CADM2: variants seen among roughly 807,000 people sequenced by gnomAD.
CADM2 encodes the protein immunoglobulin superfamily member 4D.
A neutral mutation model predicts 49.8 loss-of-function variants in CADM2; 12 were observed. The ratio of observed to expected loss-of-function variants is 0.24; its 90% CI spans 0.15 to 0.39. CADM2 has a LOEUF of 0.39. CADM2 is among the 10% of genes least tolerant of loss of function. The pLI is 1.00. For missense variants in CADM2, 378 were observed against 492.3 expected, an observed-to-expected ratio of 0.77 and a Z score of 2.20; for synonymous variants, 214 against 175.4, an observed-to-expected ratio of 1.22 and a Z score of -1.74.
At chr3:85,427,517 T>C (rs918608040) in intron 1 of CADM2, among the ~76,000 whole-genome samples, 6 of 152,026 alleles carry the variant, frequency 3.9e-5, no homozygotes, top group Admixed American at 6.6e-5. Context: ...TAGATAATAA[T>C]ACCCTTTATA....
At chr3:85,446,991 C>CAT (rs141177883) in intron 1 of CADM2, among the ~76,000 whole-genome samples, 8,946 of 54,136 alleles carry the variant, frequency 0.17, 1,153 homozygotes, top group South Asian at 0.19. Flanking sequence ...ATATGTATTG[C>CAT]ATATATATAT....
chr3:86,045,282 A>C (rs972085852), intron 8 of CADM2, among the ~76,000 whole-genome samples: 3 of 152,106 alleles, frequency 2.0e-5, no homozygotes, highest in Admixed American at 2.0e-4. Context: ...ACTGTCATTG[A>C]GCTTCTGTGC....
intron 1 of CADM2, among the ~76,000 whole-genome samples, chr3:85,465,327 A>G (rs2038444143): frequency 6.6e-6 from 1 of 152,176 alleles, no homozygotes; most frequent in Non-Finnish European, 1.5e-5. Flanking sequence ...TTGAGATATA[A>G]TCATCTTTAG....
chr3:85,336,956 A>G (rs987438222), intron 1 of CADM2, among the ~76,000 whole-genome samples: 14 of 16,404 alleles, frequency 8.5e-4, no homozygotes, highest in African/African-American at 9.7e-4. Context: ...TATATATTTA[A>G]TATATATATT....
At chr3:85,714,241 T>C (rs1559608967) in intron 1 of CADM2, among the ~76,000 whole-genome samples, 1 of 152,158 alleles carries the variant, frequency 6.6e-6, no homozygotes, top group African/African-American at 2.4e-5. Context: ...TATCTAGTAA[T>C]AAAGAGTTAG....
chr3:85,219,426 G>C (rs1052301035), intron 1 of CADM2, among the ~76,000 whole-genome samples: 3 of 152,236 alleles, frequency 2.0e-5, no homozygotes, highest in Non-Finnish European at 4.4e-5. Context: ...AACTGCACTT[G>C]CTAAGTCACA....
chr3:85,580,376 T>A (rs1375923434), intron 1 of CADM2, among the ~76,000 whole-genome samples: 2 of 152,136 alleles, frequency 1.3e-5, no homozygotes, highest in East Asian at 3.9e-4. Flanking sequence ...CATCTTAGTT[T>A]GTGAGAAACT....
chr3:85,404,576 A>G (rs770072744), intron 1 of CADM2, among the ~76,000 whole-genome samples: 250 of 151,992 alleles, frequency 1.6e-3, no homozygotes, highest in Non-Finnish European at 2.8e-3. Context: ...TAATTTCAGG[A>G]AAAATAATCA....
At chr3:85,694,739 G>A (rs1483466256) in intron 1 of CADM2, among the ~76,000 whole-genome samples, 1 of 152,078 alleles carries the variant, frequency 6.6e-6, no homozygotes, top group Non-Finnish European at 1.5e-5. Flanking sequence ...GGCGTGGATT[G>A]TGTCTTCACT....
At chr3:85,494,096 G>A (rs1475182514) in intron 1 of CADM2, among the ~76,000 whole-genome samples, 5 of 152,054 alleles carry the variant, frequency 3.3e-5, no homozygotes, top group African/African-American at 2.4e-5. Flanking sequence ...TAAACTTTTC[G>A]GATAGGGGAA....
chr3:85,324,014 T>C (rs2044684718), intron 1 of CADM2, among the ~76,000 whole-genome samples: 1 of 152,208 alleles, frequency 6.6e-6, no homozygotes, highest in Admixed American at 6.5e-5. Context: ...GCTATAATAC[T>C]GGCTGTACTG....
chr3:85,544,808 T>C (rs2061627986), intron 1 of CADM2, among the ~76,000 whole-genome samples: 2 of 142,948 alleles, frequency 1.4e-5, no homozygotes, highest in South Asian at 4.5e-4. Flanking sequence ...GTTGATAATA[T>C]GCTACATGTG....
At chr3:85,241,493 C>G (rs1472107808) in intron 1 of CADM2, among the ~76,000 whole-genome samples, 1 of 150,812 alleles carries the variant, frequency 6.6e-6, no homozygotes, top group East Asian at 1.9e-4. Context: ...TCTAAATGTC[C>G]CTGGCTTGTG....
intron 2 of CADM2, among the ~76,000 whole-genome samples, chr3:85,729,634 G>A (rs2067849796): frequency 6.6e-6 from 1 of 152,126 alleles, no homozygotes; most frequent in African/African-American, 2.4e-5. Context: ...AAGGAAGGAG[G>A]ACTCTATGAA....
intron 8 of CADM2, among the ~76,000 whole-genome samples, chr3:85,973,673 TTGAAAATGTTA>T (rs1726434692): frequency 6.6e-6 from 1 of 151,756 alleles, no homozygotes; most frequent in African/African-American, 2.4e-5. Context: ...TAGAGCAAAT[TTGAAAATGTTA>T]TTATAACATC....
chr3:85,334,319 T>C (rs2045018060), intron 1 of CADM2, among the ~76,000 whole-genome samples: 1 of 151,574 alleles, frequency 6.6e-6, no homozygotes, highest in African/African-American at 2.4e-5. Context: ...GTGCTAATGA[T>C]GTCTCAGGCT....
At chr3:85,240,528 A>T (rs1266437500) in intron 1 of CADM2, among the ~76,000 whole-genome samples, 4 of 151,508 alleles carry the variant, frequency 2.6e-5, no homozygotes, top group Non-Finnish European at 5.9e-5. Context: ...TTTGGAGGTG[A>T]TTAACATGAC....
At chr3:85,632,710 A>G (rs377177940) in intron 1 of CADM2, among the ~76,000 whole-genome samples, 23 of 151,968 alleles carry the variant, frequency 1.5e-4, no homozygotes, top group East Asian at 9.7e-4. Flanking sequence ...TTTTGTGGGT[A>G]TTTTGGAAAT....
At chr3:85,679,435 A>G (rs1214168630) in intron 1 of CADM2, among the ~76,000 whole-genome samples, 1 of 152,150 alleles carries the variant, frequency 6.6e-6, no homozygotes, top group Non-Finnish European at 1.5e-5. Flanking sequence ...TCTTTTCTCT[A>G]TAATAATGTT....
Sources: allele counts gnomAD v4.1 joint callset (sites outside exome capture counted in the v4.1 genomes callset), GRCh38; gene constraint gnomAD v4.1.1; transcripts MANE v1.5; gene names NCBI Gene and HGNC (gene_info 2026-07-23, HGNC 2026-07-21).